DYSF: variants seen among roughly 807,000 people sequenced by gnomAD.
DYSF encodes the protein dystrophy-associated fer-1-like 1.
Under a neutral mutation model 274.9 loss-of-function variants are expected in DYSF, and 212 were observed. The ratio of observed to expected loss-of-function variants is 0.77; its 90% CI spans 0.69 to 0.86. The LOEUF is 0.86. Among genes scored for constraint, DYSF ranks in the 40% least tolerant of loss-of-function variants. The pLI is 0.00. For synonymous variants in DYSF, 1,091 were observed against 1,078.7 expected (o/e 1.01, Z -0.22); for missense variants, 2,666 against 2,783.2 (o/e 0.96, Z 0.95).
At chr2:71,453,974 G>T (rs2080941764) in exon 1 of DYSF, 2 of 1,613,070 alleles carry the variant, frequency 1.2e-6, no homozygotes, top group East Asian at 2.2e-5. Context: ...CGCCCTGGGC[G>T]CACGGGGCCC....
chr2:71,551,255 C>T (rs1261743092), intron 18 of DYSF, 99 bp downstream of exon 18: 1 of 1,279,712 alleles, frequency 7.8e-7, no homozygotes, highest in African/African-American at 1.5e-5. Flanking sequence ...CTCCTGGGGG[C>T]CCACGACCTG....
intron 17 of DYSF, among the ~76,000 whole-genome samples, chr2:71,548,998 C>T (rs2090713810): frequency 6.6e-6 from 1 of 152,212 alleles, no homozygotes; most frequent in Admixed American, 6.5e-5. Context: ...ATCTGGCTAT[C>T]ATATGGAAAA....
At chr2:71,640,664 C>T (rs2094472049) in intron 41 of DYSF, among the ~76,000 whole-genome samples, 2 of 152,094 alleles carry the variant, frequency 1.3e-5, no homozygotes. Context: ...TTGACCACGC[C>T]AGATTGACTG....
At chr2:71,484,249 C>G (rs903328877) in intron 3 of DYSF, among the ~76,000 whole-genome samples, 2 of 151,946 alleles carry the variant, frequency 1.3e-5, no homozygotes, top group Non-Finnish European at 2.9e-5. Context: ...GACAGGGTTC[C>G]TCCATGTTGG....
intron 30 of DYSF, among the ~76,000 whole-genome samples, chr2:71,579,432 G>A (rs930875406): frequency 6.6e-6 from 1 of 152,148 alleles, no homozygotes; most frequent in Non-Finnish European, 1.5e-5. Context: ...ATCTGCCTTG[G>A]GAGCTGTAGG....
At chr2:71,527,969 G>A (rs182714147) in intron 13 of DYSF, among the ~76,000 whole-genome samples, 11 of 152,348 alleles carry the variant, frequency 7.2e-5, no homozygotes, top group African/African-American at 2.6e-4. Context: ...TATAACAACT[G>A]CCAGTCCTTT....
intron 36 of DYSF, among the ~76,000 whole-genome samples, chr2:71,607,926 G>A (rs2093675179): frequency 6.6e-6 from 1 of 152,180 alleles, no homozygotes; most frequent in South Asian, 2.1e-4. Context: ...AGAAAGTCTA[G>A]GAGAGGGCTA....
intron 3 of DYSF, among the ~76,000 whole-genome samples, chr2:71,497,242 A>G (rs1283158844): frequency 1.3e-5 from 2 of 152,188 alleles, no homozygotes; most frequent in Non-Finnish European, 2.9e-5. Context: ...TTCTTACTCA[A>G]ATCAGCCTCC....
intron 14 of DYSF, among the ~76,000 whole-genome samples, chr2:71,529,402 T>G (rs2088382306): frequency 6.6e-6 from 1 of 152,242 alleles, no homozygotes; most frequent in Non-Finnish European, 1.5e-5. Flanking sequence ...ATTTGTTCGA[T>G]TGTTTCCTTC....
At chr2:71,571,876 A>C (rs1185804325) in intron 29 of DYSF, among the ~76,000 whole-genome samples, 15 of 139,700 alleles carry the variant, frequency 1.1e-4, no homozygotes, top group Non-Finnish European at 1.7e-4. Flanking sequence ...GATCACACCC[A>C]GCACACACAG....
At chr2:71,580,349 C>A (rs143814172) in intron 30 of DYSF, among the ~76,000 whole-genome samples, 2 of 152,206 alleles carry the variant, frequency 1.3e-5, no homozygotes, top group Non-Finnish European at 2.9e-5. Flanking sequence ...CCTGGGCCGG[C>A]GAGGCAAGGC....
intron 41 of DYSF, among the ~76,000 whole-genome samples, chr2:71,624,198 A>C (rs971657255): frequency 6.6e-6 from 1 of 152,212 alleles, no homozygotes; most frequent in Admixed American, 6.5e-5. Flanking sequence ...ATATTAGTAC[A>C]ACCCAGCTCA....
At chr2:71,618,738 GGA>G (rs1176122989) in intron 40 of DYSF, among the ~76,000 whole-genome samples, 44 of 151,100 alleles carry the variant, frequency 2.9e-4, no homozygotes, top group Admixed American at 5.9e-4. Context: ...GTGTGTATGT[GGA>G]GTAGAGGTGG....
At chr2:71,617,450 G>C (rs2093909734) in intron 40 of DYSF, among the ~76,000 whole-genome samples, 1 of 152,236 alleles carries the variant, frequency 6.6e-6, no homozygotes, top group South Asian at 2.1e-4. Flanking sequence ...GGTGAACAGG[G>C]GAGGACAGGG....
intron 1 of DYSF, among the ~76,000 whole-genome samples, chr2:71,472,403 ACTTT>A: frequency 6.6e-6 from 1 of 152,174 alleles, no homozygotes; most frequent in South Asian, 2.1e-4. Context: ...AATCTTTGAC[ACTTT>A]CTTTCTTTTT....
chr2:71,562,498 C>T (rs2091840559), intron 23 of DYSF, among the ~76,000 whole-genome samples: 1 of 152,172 alleles, frequency 6.6e-6, no homozygotes, highest in Non-Finnish European at 1.5e-5. Flanking sequence ...CACCTGCAGA[C>T]CCTCCCCCTG....
intron 12 of DYSF, among the ~76,000 whole-genome samples, chr2:71,524,248 A>C (rs1283935791): frequency 6.6e-6 from 1 of 152,178 alleles, no homozygotes. Context: ...TTGGTAGTCT[A>C]ATCAGTTTAT....
chr2:71,548,034 G>T (rs1375437732), intron 17 of DYSF, among the ~76,000 whole-genome samples: 1 of 152,194 alleles, frequency 6.6e-6, no homozygotes, highest in Non-Finnish European at 1.5e-5. Flanking sequence ...TGGCCCTCTC[G>T]CTGTTGCAGA....
chr2:71,667,912 C>A (rs2095046330), intron 48 of DYSF, among the ~76,000 whole-genome samples: 1 of 152,112 alleles, frequency 6.6e-6, no homozygotes, highest in Admixed American at 6.5e-5. Context: ...GGGTATGCAG[C>A]CAGGGTGGCC....
Sources: gnomAD v4.1 joint callset for allele counts (sites outside exome capture counted in the v4.1 genomes callset) on GRCh38, gnomAD v4.1.1 for gene constraint, MANE v1.5 for transcripts, NCBI Gene and HGNC (gene_info 2026-07-23, HGNC 2026-07-21) for gene names.